Variants in GLRX2 observed in about 807,000 individuals in gnomAD.
GLRX2 encodes glutaredoxin 2.
In GLRX2, 12 loss-of-function variants were observed where a neutral mutation model predicts 16.4. The observed-to-expected ratio is 0.73, with a 90% CI of 0.47 to 1.19. The LOEUF is 1.19. Ranked by LOEUF, GLRX2 falls within the 50% of genes most tolerant of loss-of-function variation. The pLI is 0.00. For synonymous variants in GLRX2, 95 were observed against 76.2 expected, an observed-to-expected ratio of 1.25 and a Z score of -1.28; for missense variants, 201 against 201.8, an observed-to-expected ratio of 1.00 and a Z score of 0.02.
chr1:193,101,961 C>T (rs1053141944), intron 1 of GLRX2, among the ~76,000 whole-genome samples: 3 of 151,934 alleles, frequency 2.0e-5, no homozygotes, highest in Non-Finnish European at 4.4e-5. Flanking sequence ...ATCCCTGGAA[C>T]CTTTTCTTCC....
At chr1:193,099,506 A>AT (rs1182240135) in intron 2 of GLRX2, among the ~76,000 whole-genome samples, 2 of 151,726 alleles carry the variant, frequency 1.3e-5, no homozygotes, top group African/African-American at 4.8e-5. Flanking sequence ...ACACCTCGAT[A>AT]TTTTTTGTAG....
At chr1:193,098,676 C>T (rs540110833) in intron 2 of GLRX2, among the ~76,000 whole-genome samples, 2 of 152,084 alleles carry the variant, frequency 1.3e-5, no homozygotes, top group Admixed American at 6.5e-5. Flanking sequence ...CTCAGCCTCC[C>T]GAGTAGTTAG....
intron 1 of GLRX2, among the ~76,000 whole-genome samples, chr1:193,101,908 T>TAAA (rs879288292): frequency 6.9e-6 from 1 of 145,754 alleles, no homozygotes. Context: ...AAATTATCAC[T>TAAA]AAAAAAAAAA....
intron 1 of GLRX2, among the ~76,000 whole-genome samples, chr1:193,104,701 T>C (rs1309128266): frequency 6.6e-6 from 1 of 152,224 alleles, no homozygotes; most frequent in Non-Finnish European, 1.5e-5. Flanking sequence ...AACGAGGAAG[T>C]GTAAGGAAAG....
intron 2 of GLRX2, among the ~76,000 whole-genome samples, chr1:193,099,436 G>A (rs1210502318): frequency 1.3e-5 from 2 of 152,122 alleles, no homozygotes; most frequent in African/African-American, 4.8e-5. Flanking sequence ...AACCTCCTGA[G>A]CTCAGGTGAT....
Position 193,096,700 on chromosome 1 carries a change from A to T in GLRX2, c.420T>A (p.Leu140=), listed in dbSNP as rs1196831091. ...FIGGATDTHR[L]HKEGKLLPLV... The stretch of plus-strand genomic sequence containing the variant: ...GTGGGAGCAATTTTCCTTCTTTGTG[A>T]AGCCTATGAGTGTCAGTTGCACCTC... The change falls in exon 4 of 4, where the codon CTT becomes CTA. Residue 140 remains leucine, a synonymous_variant. Coordinates refer to ENST00000367439, the MANE Select transcript of GLRX2 (RefSeq NM_197962.3). 3.1e-6 allele frequency: 5 copies of T among 1,608,606 alleles called. No individual in the cohort carries two copies. The highest frequency in any genetic ancestry group is 4.3e-6 in the Non-Finnish European group (5 of 1,175,464).
At chr1:193,106,019 G>T (rs1365969364), upstream of GLRX2, 2 of 989,440 alleles carry the variant, frequency 2.0e-6, no homozygotes, top group Admixed American at 6.1e-5. Flanking sequence ...CAAAACAAAA[G>T]AAATTAGCAC....
intron 3 of GLRX2, among the ~76,000 whole-genome samples, chr1:193,097,279 G>A (rs1293425294): frequency 6.6e-6 from 1 of 152,158 alleles, no homozygotes; most frequent in Non-Finnish European, 1.5e-5. Flanking sequence ...CCCCTGTATT[G>A]CCCAGGTAAA....
chr1:193,102,081 A>T (rs1675088796), intron 1 of GLRX2, among the ~76,000 whole-genome samples: 1 of 152,212 alleles, frequency 6.6e-6, no homozygotes, highest in Admixed American at 6.5e-5. Flanking sequence ...TTACAAGAGG[A>T]TTATGACATA....
At chr1:193,105,486 C>T (rs1004793672), upstream of GLRX2, 6 of 1,505,406 alleles carry the variant, frequency 4.0e-6, no homozygotes, top group South Asian at 1.3e-5. Flanking sequence ...CCGTCCCGCC[C>T]CTCCGGACTG....
chr1:193,096,814 C>T, intron 3 of GLRX2, 55 bp from the exon 4 acceptor site: 4 of 1,343,714 alleles, frequency 3.0e-6, no homozygotes, highest in Non-Finnish European at 1.0e-6. Flanking sequence ...GAACTAAGAT[C>T]ATTTCACATA....
intron 2 of GLRX2, among the ~76,000 whole-genome samples, chr1:193,099,399 G>A (rs1172910380): frequency 6.6e-6 from 1 of 152,030 alleles, no homozygotes; most frequent in Non-Finnish European, 1.5e-5. Context: ...GGAGTACAAG[G>A]GTGCGATCTC....
At chr1:193,103,173 T>C (rs1462479167) in intron 1 of GLRX2, among the ~76,000 whole-genome samples, 1 of 151,364 alleles carries the variant, frequency 6.6e-6, no homozygotes, top group Non-Finnish European at 1.5e-5. Flanking sequence ...CTCCACCTAA[T>C]AGGAAAAAAA....
intron 2 of GLRX2, among the ~76,000 whole-genome samples, chr1:193,100,439 A>C (rs1480120643): frequency 6.6e-6 from 1 of 152,226 alleles, no homozygotes; most frequent in Non-Finnish European, 1.5e-5. Flanking sequence ...GCACCACTGC[A>C]CTCTGGCCTG....
At chr1:193,099,885 G>A (rs894303896) in intron 2 of GLRX2, among the ~76,000 whole-genome samples, 3 of 152,086 alleles carry the variant, frequency 2.0e-5, no homozygotes, top group African/African-American at 2.4e-5. Flanking sequence ...TCCATCTTAC[G>A]GAGGACAAAA....
intron 2 of GLRX2, among the ~76,000 whole-genome samples, chr1:193,100,321 A>G (rs1675048525): frequency 6.6e-6 from 1 of 152,116 alleles, no homozygotes; most frequent in African/African-American, 2.4e-5. Flanking sequence ...CTAAAATACA[A>G]AAATAAGTTG....
At chr1:193,098,841 G>A (rs140152902) in intron 2 of GLRX2, among the ~76,000 whole-genome samples, 86 of 152,160 alleles carry the variant, frequency 5.7e-4, no homozygotes, top group African/African-American at 7.7e-4. Context: ...GTGAGCCACC[G>A]CGCCCAGCCC....
chr1:193,098,738 A>G (rs1352489950), intron 2 of GLRX2, among the ~76,000 whole-genome samples: 1 of 151,856 alleles, frequency 6.6e-6, no homozygotes, highest in Non-Finnish European at 1.5e-5. Flanking sequence ...TTTAGTAGAG[A>G]CGGGGTTTCA....
At chr1:193,099,826 A>C (rs938749848) in intron 2 of GLRX2, among the ~76,000 whole-genome samples, 1 of 152,204 alleles carries the variant, frequency 6.6e-6, no homozygotes, top group African/African-American at 2.4e-5. Flanking sequence ...TATTTAGTAT[A>C]AAAGTCCATC....
Sources: allele counts gnomAD v4.1 joint callset (sites outside exome capture counted in the v4.1 genomes callset), GRCh38; gene constraint gnomAD v4.1.1; transcripts MANE v1.5; gene names NCBI Gene and HGNC (gene_info 2026-07-23, HGNC 2026-07-21).